The following PAPPA2 variants were observed in gnomAD, a reference collection of about 807,000 sequenced individuals.
PAPPA2 encodes the protein pappalysin 2.
Under a neutral mutation model 176.4 loss-of-function variants are expected in PAPPA2, and 86 were observed. That is an observed-to-expected ratio of 0.49 (90% confidence interval 0.41 to 0.58). The LOEUF is 0.58. Among genes scored for constraint, PAPPA2 ranks in the 20% least tolerant of loss-of-function variants. The pLI is 0.00. For missense variants in PAPPA2, 2,073 were observed against 2,256.9 expected (o/e 0.92, Z 1.65); for synonymous variants, 809 against 852.2 (o/e 0.95, Z 0.88).
At chr1:176,645,920 C>T (rs534685262) in intron 3 of PAPPA2, among the ~76,000 whole-genome samples, 3 of 151,502 alleles carry the variant, frequency 2.0e-5, no homozygotes, top group East Asian at 3.9e-4. Context: ...GTTTTTTGCC[C>T]GATTTTAAAT....
chr1:176,679,770 A>C (rs879659751), intron 4 of PAPPA2, among the ~76,000 whole-genome samples: 2 of 152,228 alleles, frequency 1.3e-5, no homozygotes, highest in Admixed American at 1.3e-4. Flanking sequence ...CAAATGACTC[A>C]GAAGTCAGAG....
intron 1 of PAPPA2, among the ~76,000 whole-genome samples, chr1:176,524,742 G>A (rs1426619333): frequency 6.6e-6 from 1 of 152,194 alleles, no homozygotes; most frequent in African/African-American, 2.4e-5. Flanking sequence ...TTACAGCCTT[G>A]GTCGGGCGCG....
At chr1:176,485,266 T>C (rs1652594800) in intron 1 of PAPPA2, among the ~76,000 whole-genome samples, 1 of 152,200 alleles carries the variant, frequency 6.6e-6, no homozygotes, top group Admixed American at 6.5e-5. Flanking sequence ...TAAAAGTCCT[T>C]ATTAATAATG....
In PAPPA2 at chr1:176,532,587, A is replaced by T. The variant is rs538108877; in HGVS notation, c.-916-22820A>T. 2.6e-5 allele frequency among the ~76,000 whole-genome samples: 4 copies of T among 152,306 alleles called. No individual in the cohort carries two copies. The South Asian group carries it at 8.3e-4, about 32-fold the overall frequency. ...GTGTGCCAGGGGAAGTCTTACGTGT[A>T]TACCCTTCCTGGGTACTCACCTTTA... On this transcript the variant is annotated intron_variant, in intron 1 of 22. Coordinates refer to ENST00000367662, the MANE Select transcript of PAPPA2 (RefSeq NM_020318.3).
chr1:176,466,776 G>A (rs1651640798), intron 1 of PAPPA2, among the ~76,000 whole-genome samples: 1 of 152,134 alleles, frequency 6.6e-6, no homozygotes, highest in Non-Finnish European at 1.5e-5. Context: ...GGCCAAATCA[G>A]TGCAAAAGGG....
chr1:176,657,868 A>G (rs902007872), intron 3 of PAPPA2, among the ~76,000 whole-genome samples: 1 of 152,040 alleles, frequency 6.6e-6, no homozygotes, highest in African/African-American at 2.4e-5. Flanking sequence ...ACATCCTAAT[A>G]GGGGATTCTA....
intron 1 of PAPPA2, among the ~76,000 whole-genome samples, chr1:176,464,502 T>A (rs1053908487): frequency 6.6e-5 from 10 of 152,196 alleles, no homozygotes; most frequent in Admixed American, 5.2e-4. Context: ...ATTTGTAATA[T>A]TTCTCAAACA....
At chr1:176,547,864 T>A (rs1044275860) in intron 1 of PAPPA2, among the ~76,000 whole-genome samples, 6 of 152,222 alleles carry the variant, frequency 3.9e-5, no homozygotes, top group African/African-American at 1.4e-4. Context: ...GTATGTCCCA[T>A]AGAAGCTATT....
chr1:176,666,207 G>T (rs188326293), intron 3 of PAPPA2, among the ~76,000 whole-genome samples: 9 of 152,294 alleles, frequency 5.9e-5, no homozygotes, highest in Admixed American at 5.9e-4. Context: ...TGAAAGCAAA[G>T]AAAGTAGAGA....
intron 1 of PAPPA2, among the ~76,000 whole-genome samples, chr1:176,484,884 T>C (rs1652576793): frequency 1.3e-5 from 2 of 152,218 alleles, no homozygotes; most frequent in African/African-American, 4.8e-5. Context: ...AGACTGTGCT[T>C]TTTGAGTTTT....
At chr1:176,633,704 A>G (rs1349759962) in intron 3 of PAPPA2, among the ~76,000 whole-genome samples, 2 of 152,206 alleles carry the variant, frequency 1.3e-5, no homozygotes, top group African/African-American at 4.8e-5. Flanking sequence ...TCATCTGACA[A>G]AGGGCTAATA....
intron 10 of PAPPA2, among the ~76,000 whole-genome samples, chr1:176,708,653 A>G (rs775479627): frequency 4.6e-5 from 7 of 152,100 alleles, no homozygotes; most frequent in Non-Finnish European, 8.8e-5. Context: ...AAAGCCCAAA[A>G]TAGACTTTCA....
chr1:176,644,747 A>G (rs1165378544), intron 3 of PAPPA2, among the ~76,000 whole-genome samples: 4 of 151,850 alleles, frequency 2.6e-5, no homozygotes, highest in African/African-American at 7.2e-5. Context: ...AGAGAAATCT[A>G]GACTCAAAGA....
At chr1:176,630,677 A>G (rs1238887056) in intron 3 of PAPPA2, among the ~76,000 whole-genome samples, 2 of 152,200 alleles carry the variant, frequency 1.3e-5, no homozygotes, top group Non-Finnish European at 2.9e-5. Flanking sequence ...GGATATAGGA[A>G]ACATTAAGAG....
At chr1:176,702,478 A>G (rs1288712381) in intron 8 of PAPPA2, 129 bp from the exon 9 acceptor site, 4 of 1,330,090 alleles carry the variant, frequency 3.0e-6, no homozygotes, top group South Asian at 1.5e-5. Context: ...GTTTTAGACA[A>G]TGCAGCGTAT....
rs780551587 is a variant in PAPPA2, at chr1:176,739,627, T to G, written c.3800T>G (p.Val1267Gly). 1.9e-6 allele frequency: 3 copies of G among 1,612,654 alleles called. No individual in the cohort carries two copies. Among genetic ancestry groups the G allele is most frequent in the Non-Finnish European group, 1.7e-6 (2 of 1,179,078 alleles). ...LKKEDEVWLK[V>G]CFNRPGEARA... ...ATACATAAATGTGCTTATGCTTAGG[T>G]GTGTTTCAATAGACCAGGAGAGGCC... The change falls in exon 13 of 23, where the codon GTG (valine) becomes GGG (glycine). Residue 1267 changes from valine (V) to glycine (G), a missense_variant and splice_region_variant. By Grantham distance (109) the Val-to-Gly change is moderately radical. Transcript: ENST00000367662.
rs79708979 is a variant in PAPPA2 at position 176,784,020 on chromosome 1, A to G, written c.4716-5789A>G. On this transcript the variant is annotated intron_variant, in intron 17 of 22. Coordinates refer to ENST00000367662, the MANE Select transcript of PAPPA2 (RefSeq NM_020318.3). ...ATTGATCTCATGATCAGAATGTTATATTATGATTTGAAAACTTTGAATCTA... is the reference window on the plus strand; with the variant it reads ...ATTGATCTCATGATCAGAATGTTATGTTATGATTTGAAAACTTTGAATCTA... Among the ~76,000 whole-genome samples, 1,251 of 152,316 alleles carry G rather than the reference A, an allele frequency of 8.2e-3. 9 individuals are homozygous for G. The highest frequency in any genetic ancestry group is 0.02 in the Middle Eastern group (6 of 294).
rs182714582 is a variant in PAPPA2 at position 176,486,455 on chromosome 1, A to T, written c.-917+23037A>T. On this transcript the variant is annotated intron_variant, in intron 1 of 22. Transcript: ENST00000367662. The stretch of plus-strand genomic sequence containing the variant: ...CTTAGACAGGTACAGACATCTCTAC[A>T]GTGCACTGTAGAATATGTACAACAA... 7.1e-4 allele frequency among the ~76,000 whole-genome samples: 108 copies of T among 152,324 alleles called. No homozygotes were observed. In the Middle Eastern group the frequency reaches 0.01, roughly 14 times the overall value.
intron 4 of PAPPA2, among the ~76,000 whole-genome samples, chr1:176,674,178 G>T (rs1252167032): frequency 1.3e-5 from 2 of 152,086 alleles, no homozygotes; most frequent in Non-Finnish European, 2.9e-5. Context: ...TGTCAAGGAG[G>T]AGGGGCTCTG....
Sources: allele counts gnomAD v4.1 joint callset (sites outside exome capture counted in the v4.1 genomes callset), GRCh38; gene constraint gnomAD v4.1.1; transcripts MANE v1.5; gene names NCBI Gene and HGNC (gene_info 2026-07-23, HGNC 2026-07-21).